Variants in NFYA observed in about 807,000 individuals in gnomAD.
NFYA encodes the protein CAAT-box DNA binding protein subunit A.
A neutral mutation model predicts 52.8 loss-of-function variants in NFYA; 28 were observed. The observed-to-expected ratio is 0.53, with a 90% confidence interval of 0.39 to 0.73. NFYA has a LOEUF of 0.73. Among genes scored for constraint, NFYA ranks in the 30% least tolerant of loss-of-function variants. The pLI is 0.00. For synonymous variants in NFYA, 150 were observed against 150.7 expected, an observed-to-expected ratio of 1.00 and a Z score of 0.03; for missense variants, 234 against 427.0, an observed-to-expected ratio of 0.55 and a Z score of 3.98.
chr6:41,089,620 A>T lies in NFYA; in HGVS notation c.351A>T (p.Gly117=). The T allele has an allele frequency of 6.2e-7, 1 of 1,612,700 alleles. No homozygotes were observed. Among genetic ancestry groups the T allele is most frequent in the Non-Finnish European group, 8.5e-7 (1 of 1,179,996 alleles). ...CTGGACAGATCCAGATCCAGGGTGGACAGGCTGTGCAGGTGCAGGGCCAGC... is the reference window on the plus strand; with the variant it reads ...CTGGACAGATCCAGATCCAGGGTGGTCAGGCTGTGCAGGTGCAGGGCCAGC... ...VPPGQIQIQG[G]QAVQVQGQQG... is the part of the protein sequence containing the mutation. Residue 117 remains glycine (G), a synonymous_variant, in exon 5 of 10, where the codon GGA becomes GGT. Coordinates refer to ENST00000341376, the MANE Select transcript of NFYA (RefSeq NM_002505.5).
intron 3 of NFYA, among the ~76,000 whole-genome samples, 156 bp downstream of exon 3, chr6:41,081,053 T>C (rs1252903116): frequency 6.6e-6 from 1 of 152,234 alleles, no homozygotes; most frequent in Non-Finnish European, 1.5e-5. Context: ...GATGCCAGTT[T>C]CCTAATATTT....
In NFYA at chr6:41,097,928, T is replaced by C. The variant is rs992229307; in HGVS notation, c.*518T>C. On this transcript the variant is annotated 3_prime_UTR_variant, in exon 10 of 10. Transcript: ENST00000341376. ...GTTCTATCTTGTGATACGGAAACAA[T>C]AAATTCCTGAGATACATTCTTCCAA... 1 of 153,054 alleles carries C rather than the reference T, an allele frequency of 6.5e-6. No individual in the cohort carries two copies. Among genetic ancestry groups the C allele is most frequent in the Non-Finnish European group, 1.5e-5 (1 of 68,436 alleles). 9.5% of individuals were successfully genotyped at this position (153,054 alleles called of 1,614,324 possible).
rs560914522 is a variant in NFYA at position 41,090,316 on chromosome 6, G to T, written c.547+7G>T. The T allele has an allele frequency of 1.2e-6, 2 of 1,602,608 alleles. No homozygotes were observed. Among genetic ancestry groups the T allele is most frequent in the East Asian group, 4.5e-5 (2 of 44,766 alleles). ...GGCACCATTCTCCAGCAAGGTAAGT[G>T]TACCCATAAGCTTCCCTAGGACTTT... On this transcript the variant is annotated splice_region_variant and intron_variant, in intron 6 of 9. Transcript: ENST00000341376.
intron 6 of NFYA, among the ~76,000 whole-genome samples, chr6:41,090,907 A>G (rs926557011): frequency 1.3e-5 from 2 of 152,244 alleles, no homozygotes; most frequent in Non-Finnish European, 2.9e-5. Flanking sequence ...TAAATCAAAA[A>G]AGGACATCTT....
At position 41,101,023 on chromosome 6, in the gene NFYA, T is replaced by G. The variant is rs1356630655; in HGVS notation, c.*3613T>G. On this transcript the variant is annotated 3_prime_UTR_variant, in exon 10 of 10. Coordinates refer to ENST00000341376, the MANE Select transcript of NFYA (RefSeq NM_002505.5). ...TTTCCGGTACCTAGGCGGGCAGCCA[T>G]GGTGACCGGCGAGCGGCATGCGACG... is the stretch of plus-strand genomic sequence containing the variant. 1.3e-5 allele frequency: 2 copies of G among 152,238 alleles called. No individual in the cohort carries two copies. Among genetic ancestry groups the G allele is most frequent in the African/African-American group, 4.8e-5 (2 of 41,452 alleles). The allele number at this position is 152,238 out of a possible 1,614,324, so 9.4% of individuals were successfully genotyped here.
At chr6:41,073,530 C>T (rs1763609217) in intron 1 of NFYA, among the ~76,000 whole-genome samples, 1 of 152,090 alleles carries the variant, frequency 6.6e-6, no homozygotes, top group Non-Finnish European at 1.5e-5. Context: ...CACTCTCCGG[C>T]CCTTGGGACA....
chr6:41,074,782 G>A (rs1365329321), intron 1 of NFYA, among the ~76,000 whole-genome samples: 2 of 152,154 alleles, frequency 1.3e-5, no homozygotes, highest in African/African-American at 4.8e-5. Context: ...TTTTTCCTAA[G>A]ATTGAAAAAA....
intron 1 of NFYA, chr6:41,075,672 C>T (rs1420220441): frequency 1.3e-5 from 2 of 151,712 alleles, no homozygotes; most frequent in Non-Finnish European, 2.9e-5. Context: ...CTTTCTCACA[C>T]TTAAGACCAG....
In NFYA at chr6:41,090,305, G is replaced by A; in HGVS notation, c.543G>A (p.Gln181=). ...QPVNADGTIL[Q]QVTVPVSGMI... ...TTAATGCAGATGGCACCATTCTCCA[G>A]CAAGGTAAGTGTACCCATAAGCTTC... is the stretch of plus-strand genomic sequence containing the variant. Residue 181 remains glutamine (Q), a synonymous_variant, in exon 6 of 10, where the codon CAG becomes CAA. Transcript: ENST00000341376. 1.2e-6 allele frequency: 2 copies of A among 1,612,114 alleles called. No homozygotes were observed. Among genetic ancestry groups the A allele is most frequent in the South Asian group, 1.1e-5 (1 of 91,018 alleles).
At chr6:41,090,080 A>C (rs962486740) in intron 5 of NFYA, 124 bp from the exon 6 acceptor site, 1 of 637,464 alleles carries the variant, frequency 1.6e-6, no homozygotes, top group African/African-American at 1.8e-5. Flanking sequence ...ACTGCACTGC[A>C]CTCCAGCCTG....
chr6:41,089,071 C>T (rs1309951802), intron 4 of NFYA, among the ~76,000 whole-genome samples: 3 of 152,124 alleles, frequency 2.0e-5, no homozygotes, highest in African/African-American at 4.8e-5. Flanking sequence ...CTGCAACCTC[C>T]GCCTCCGGTT....
intron 4 of NFYA, among the ~76,000 whole-genome samples, chr6:41,087,048 A>G (rs1176832896): frequency 6.6e-6 from 1 of 152,232 alleles, no homozygotes; most frequent in Non-Finnish European, 1.5e-5. Context: ...TTTAATACAT[A>G]CAACCGAGTT....
In NFYA at chr6:41,093,032, A is replaced by C; in HGVS notation, c.835A>C (p.Arg279=). The change falls in exon 8 of 10, where the codon AGG becomes CGG. Residue 279 remains arginine (R), a synonymous_variant. Coordinates refer to ENST00000341376, the MANE Select transcript of NFYA (RefSeq NM_002505.5). ...AKQYHRILKR[R]QARAKLEAEG... is the part of the protein sequence containing the mutation. ...ACAATACCACCGTATTCTTAAGAGGAGGCAAGCCCGAGCTAAACTAGAGGC... is the reference window on the plus strand; with the variant it reads ...ACAATACCACCGTATTCTTAAGAGGCGGCAAGCCCGAGCTAAACTAGAGGC... 5 of 1,614,184 alleles carry C rather than the reference A, an allele frequency of 3.1e-6. No homozygotes were observed. The highest frequency in any genetic ancestry group is 4.2e-6 in the Non-Finnish European group (5 of 1,180,028).
rs542506594 is a variant in NFYA at position 41,101,296 on chromosome 6, C to T, written c.*3886C>T. The stretch of plus-strand genomic sequence containing the variant: ...AGGCCTAGCCTCCCGCGAGCTAAGG[C>T]ACAGTTTAACTTCGTGCTGCGGCTT... On this transcript the variant is annotated 3_prime_UTR_variant, in exon 10 of 10. Coordinates refer to ENST00000341376, the MANE Select transcript of NFYA (RefSeq NM_002505.5). The T allele has an allele frequency of 6.6e-6, 1 of 152,354 alleles. No homozygotes were observed. Among genetic ancestry groups the T allele is most frequent in the South Asian group, 2.1e-4 (1 of 4,828 alleles). The allele number at this position is 152,354 out of a possible 1,614,324, so 9.4% of individuals were successfully genotyped here. A position where few individuals can be genotyped will look rare whatever the true frequency, so the allele number is the denominator to read the frequency against.
At chr6:41,086,938 T>A (rs1468468443) in intron 4 of NFYA, among the ~76,000 whole-genome samples, 1 of 152,182 alleles carries the variant, frequency 6.6e-6, no homozygotes, top group Admixed American at 6.5e-5. Context: ...ATTTTTATGC[T>A]ATAGAGAAGG....
chr6:41,073,478 T>C (rs941349650), intron 1 of NFYA, among the ~76,000 whole-genome samples: 22 of 152,134 alleles, frequency 1.4e-4, no homozygotes, highest in African/African-American at 5.3e-4. Context: ...GATTTCCTCC[T>C]GGTCGTTCTG....
chr6:41,091,664 C>A lies in NFYA; in HGVS notation c.684C>A (p.Gly228=). The A allele has an allele frequency of 6.2e-7, 1 of 1,614,110 alleles. No individual in the cohort carries two copies. The highest frequency in any genetic ancestry group is 2.2e-5 in the East Asian group (1 of 44,876). Reference sequence around the variant, plus strand: ...TCACTGTGACACTACCAGTGGCAGGCAATGTGGTCAATTCAGGAGGGATGG... The same window carrying A: ...TCACTGTGACACTACCAGTGGCAGGAAATGTGGTCAATTCAGGAGGGATGG... ...GTVTVTLPVA[G]NVVNSGGMVM... is the part of the protein sequence containing the mutation. Residue 228 remains glycine, a synonymous_variant, in exon 7 of 10, where the codon GGC becomes GGA. Coordinates refer to ENST00000341376, the MANE Select transcript of NFYA (RefSeq NM_002505.5).
intron 2 of NFYA, among the ~76,000 whole-genome samples, chr6:41,079,871 AAGT>A (rs1202421657): frequency 1.3e-5 from 2 of 152,218 alleles, no homozygotes; most frequent in Non-Finnish European, 2.9e-5. Flanking sequence ...TAATATAGAA[AAGT>A]AGTAGGGAAG....
chr6:41,073,659 G>T (rs1454215446), intron 1 of NFYA, among the ~76,000 whole-genome samples: 1 of 152,018 alleles, frequency 6.6e-6, no homozygotes, highest in African/African-American at 2.4e-5. Flanking sequence ...CGCGGCCGCG[G>T]GGTCCCGTGT....
Sources: allele counts gnomAD v4.1 joint callset (sites outside exome capture counted in the v4.1 genomes callset), GRCh38; gene constraint gnomAD v4.1.1; transcripts MANE v1.5; gene names NCBI Gene and HGNC (gene_info 2026-07-23, HGNC 2026-07-21).